Variants in PLXDC2 observed in about 807,000 individuals in gnomAD.
The protein encoded by PLXDC2 is plexin domain-containing protein 2.
Under a neutral mutation model 68.9 loss-of-function variants are expected in PLXDC2, and 40 were observed. That is an observed-to-expected ratio of 0.58 (90% CI 0.45 to 0.76). The LOEUF (loss-of-function observed/expected upper bound fraction) is 0.76, where lower values mean the gene tolerates loss of function less well. PLXDC2 is among the 30% of genes least tolerant of loss of function. PLXDC2 has a pLI of 0.00. For synonymous variants in PLXDC2, 243 were observed against 234.2 expected (o/e 1.04, Z -0.34); for missense variants, 644 against 661.9 (o/e 0.97, Z 0.30).
intron 11 of PLXDC2, 44 bp downstream of exon 11, chr10:20,217,620 T>G: frequency 1.3e-6 from 2 of 1,502,886 alleles, no homozygotes; most frequent in South Asian, 1.3e-5. Context: ...TTTTTTTTTT[T>G]TTTTCCCTGA....
intron 1 of PLXDC2, among the ~76,000 whole-genome samples, chr10:19,994,244 T>G (rs1191958678): frequency 7.5e-6 from 1 of 133,374 alleles, no homozygotes; most frequent in African/African-American, 2.7e-5. Flanking sequence ...AGGTTCCCAT[T>G]GTATTCTCCT....
intron 1 of PLXDC2, among the ~76,000 whole-genome samples, chr10:19,956,398 A>G (rs550692069): frequency 6.6e-6 from 1 of 152,312 alleles, no homozygotes; most frequent in African/African-American, 2.4e-5. Flanking sequence ...ACTGGAATAT[A>G]TTACTAAACT....
chr10:19,918,606 G>A (rs1833407956), intron 1 of PLXDC2, among the ~76,000 whole-genome samples: 1 of 152,194 alleles, frequency 6.6e-6, no homozygotes, highest in Non-Finnish European at 1.5e-5. Context: ...AACAAAAATA[G>A]AAGCTTGGTC....
chr10:19,884,651 A>G (rs957762790), intron 1 of PLXDC2, among the ~76,000 whole-genome samples: 5 of 152,070 alleles, frequency 3.3e-5, no homozygotes, highest in Admixed American at 2.6e-4. Flanking sequence ...ATGATTTCCA[A>G]TTTCATCCAT....
At position 20,187,370 on chromosome 10, in the gene PLXDC2, T is replaced by C. The variant is rs370543511; in HGVS notation, c.1061+9961T>C. Among the ~76,000 whole-genome samples, 3 of 151,984 alleles carry C rather than the reference T, an allele frequency of 2.0e-5. No individual in the cohort carries two copies. The East Asian group carries it at 5.8e-4, about 30-fold the overall frequency. On this transcript the variant is annotated intron_variant, in intron 9 of 13. Coordinates refer to ENST00000377252, the MANE Select transcript of PLXDC2 (RefSeq NM_032812.9). ...TATTATCTTTAATTGACATAACAATTATACACATTTATAGGGTACAGTGTG... is the reference window on the plus strand; with the variant it reads ...TATTATCTTTAATTGACATAACAATCATACACATTTATAGGGTACAGTGTG...
At chr10:19,897,689 A>T (rs1004750297) in intron 1 of PLXDC2, among the ~76,000 whole-genome samples, 1 of 152,202 alleles carries the variant, frequency 6.6e-6, no homozygotes. Context: ...ACACTTACAC[A>T]TGTGAAATAA....
chr10:20,002,911 G>A (rs998215668), intron 2 of PLXDC2, among the ~76,000 whole-genome samples: 8 of 152,124 alleles, frequency 5.3e-5, no homozygotes, highest in South Asian at 2.1e-4. Flanking sequence ...TTTCTGGAAC[G>A]TAGGATGGCT....
chr10:20,117,534 A>C (rs1480452617), intron 4 of PLXDC2, among the ~76,000 whole-genome samples: 2 of 152,234 alleles, frequency 1.3e-5, no homozygotes, highest in Non-Finnish European at 2.9e-5. Context: ...GTCTAAAGAC[A>C]TAACAAGGAA....
chr10:19,993,992 T>C (rs551308204), intron 1 of PLXDC2, among the ~76,000 whole-genome samples: 2 of 152,330 alleles, frequency 1.3e-5, no homozygotes, highest in Admixed American at 6.5e-5. Flanking sequence ...AGAGTCATTC[T>C]CTGCTCATCT....
At chr10:19,876,462 C>T (rs1564616387) in intron 1 of PLXDC2, among the ~76,000 whole-genome samples, 2 of 151,782 alleles carry the variant, frequency 1.3e-5, no homozygotes, top group Admixed American at 6.6e-5. Flanking sequence ...ATTAGCCGGG[C>T]GTGGTGGTGC....
At chr10:19,842,119 A>G (rs1197981484) in intron 1 of PLXDC2, among the ~76,000 whole-genome samples, 1 of 152,124 alleles carries the variant, frequency 6.6e-6, no homozygotes, top group African/African-American at 2.4e-5. Flanking sequence ...TCTACAAAAA[A>G]TTTAAAAAAC....
At chr10:19,965,134 TCACATGAAACCAA>T (rs1834226525) in intron 1 of PLXDC2, among the ~76,000 whole-genome samples, 1 of 152,202 alleles carries the variant, frequency 6.6e-6, no homozygotes, top group South Asian at 2.1e-4. Flanking sequence ...AAATTGAGTA[TCACATGAAACCAA>T]TGGCCCTTTG....
At chr10:20,105,935 A>G (rs1199136944) in intron 4 of PLXDC2, among the ~76,000 whole-genome samples, 2 of 152,244 alleles carry the variant, frequency 1.3e-5, no homozygotes, top group South Asian at 4.1e-4. Context: ...CTTGAAAAAT[A>G]TGATTATTTA....
intron 9 of PLXDC2, among the ~76,000 whole-genome samples, chr10:20,192,762 A>G (rs1020977494): frequency 6.6e-6 from 1 of 152,126 alleles, no homozygotes; most frequent in East Asian, 1.9e-4. Context: ...TACTTCAGAC[A>G]TTTAAGATTT....
At chr10:19,998,601 C>A (rs1200553157) in intron 1 of PLXDC2, among the ~76,000 whole-genome samples, 1 of 152,120 alleles carries the variant, frequency 6.6e-6, no homozygotes, top group Non-Finnish European at 1.5e-5. Context: ...CACAAATGTT[C>A]TCATTAGAAA....
intron 4 of PLXDC2, among the ~76,000 whole-genome samples, chr10:20,138,138 T>C (rs1037369518): frequency 1.3e-5 from 2 of 152,256 alleles, no homozygotes; most frequent in Admixed American, 1.3e-4. Context: ...TTTAGAAGTT[T>C]GGTGAGGTTT....
At chr10:20,139,421 G>T (rs1342607375) in intron 4 of PLXDC2, among the ~76,000 whole-genome samples, 1 of 152,270 alleles carries the variant, frequency 6.6e-6, no homozygotes, top group African/African-American at 2.4e-5. Flanking sequence ...GCTATTTATA[G>T]TAGAATCACA....
At chr10:20,161,946 G>A (rs1834298042) in intron 6 of PLXDC2, among the ~76,000 whole-genome samples, 1 of 151,702 alleles carries the variant, frequency 6.6e-6, no homozygotes, top group Admixed American at 6.6e-5. Context: ...TAGGAGAATT[G>A]CTTGAACCCG....
chr10:19,975,702 T>G (rs1255966699), intron 1 of PLXDC2, among the ~76,000 whole-genome samples: 1 of 152,222 alleles, frequency 6.6e-6, no homozygotes, highest in Non-Finnish European at 1.5e-5. Flanking sequence ...TTACTTTTCC[T>G]TGATTTACTG....
Sources: allele counts gnomAD v4.1 joint callset (sites outside exome capture counted in the v4.1 genomes callset), GRCh38; gene constraint gnomAD v4.1.1; transcripts MANE v1.5; gene names NCBI Gene and HGNC (gene_info 2026-07-23, HGNC 2026-07-21).